Variants in RGS6 observed in about 807,000 individuals in gnomAD.
RGS6 encodes regulator of G-protein signaling 6.
RGS6 carries 30 observed loss-of-function variants against 78.5 expected under a neutral mutation model. The ratio of observed to expected loss-of-function variants is 0.38; its 90% CI spans 0.29 to 0.52. The LOEUF (loss-of-function observed/expected upper bound fraction) is 0.52, where lower values mean the gene tolerates loss of function less well. Among genes scored for constraint, RGS6 ranks in the 20% least tolerant of loss-of-function variants. The pLI is 0.85. For synonymous variants in RGS6, 206 were observed against 206.0 expected, an observed-to-expected ratio of 1.00 and a Z score of 0.00; for missense variants, 495 against 609.7, an observed-to-expected ratio of 0.81 and a Z score of 1.98.
intron 15 of RGS6, among the ~76,000 whole-genome samples, chr14:72,522,007 C>G (rs1319950876): frequency 6.6e-6 from 1 of 152,180 alleles, no homozygotes; most frequent in Non-Finnish European, 1.5e-5. Flanking sequence ...GAGATAACCC[C>G]TATTTTGGTG....
chr14:72,623,568 T>G, the RGS6 span, among the ~76,000 whole-genome samples: 3 of 152,190 alleles, frequency 2.0e-5, no homozygotes, highest in Admixed American at 6.5e-5. Context: ...TTTATGTGCA[T>G]CAAATGAGTA....
chr14:72,091,399 T>C (rs1567185552), intron 2 of RGS6, among the ~76,000 whole-genome samples: 1 of 152,134 alleles, frequency 6.6e-6, no homozygotes, highest in Admixed American at 6.5e-5. Flanking sequence ...CTTTGGAGCC[T>C]GGAGACAGGG....
intron 2 of RGS6, among the ~76,000 whole-genome samples, chr14:72,286,648 T>C (rs778063653): frequency 9.2e-5 from 14 of 152,114 alleles, no homozygotes; most frequent in Non-Finnish European, 2.1e-4. Context: ...AAACACAGGG[T>C]ATCTTTCCAT....
intron 3 of RGS6, among the ~76,000 whole-genome samples, chr14:72,367,277 G>A (rs905018785): frequency 3.9e-5 from 6 of 152,158 alleles, no homozygotes; most frequent in Non-Finnish European, 8.8e-5. Context: ...CATGGGTCTG[G>A]ACTCGGGATC....
the RGS6 span, among the ~76,000 whole-genome samples, chr14:72,600,095 T>A: frequency 6.6e-6 from 1 of 152,004 alleles, no homozygotes; most frequent in Non-Finnish European, 1.5e-5. Context: ...CCCCCCTCCC[T>A]TCTTCTCCTC....
At chr14:72,211,654 A>G (rs933196923) in intron 2 of RGS6, among the ~76,000 whole-genome samples, 1 of 152,218 alleles carries the variant, frequency 6.6e-6, no homozygotes, top group Non-Finnish European at 1.5e-5. Flanking sequence ...TTAAGTTCCC[A>G]AGATCCACAA....
chr14:71,968,140 T>G (rs1418778257), intron 2 of RGS6, among the ~76,000 whole-genome samples: 1 of 152,222 alleles, frequency 6.6e-6, no homozygotes, highest in Non-Finnish European at 1.5e-5. Context: ...TTTATATTCC[T>G]GTATCCTTAG....
intron 13 of RGS6, among the ~76,000 whole-genome samples, chr14:72,509,276 C>A (rs7493857): frequency 0.11 from 16,455 of 151,202 alleles, 916 homozygotes; most frequent in South Asian, 0.16. Context: ...GAGGCAGGAG[C>A]ATTGCTTGAA....
chr14:72,346,278 A>T (rs1387942771), intron 2 of RGS6, among the ~76,000 whole-genome samples: 1 of 152,196 alleles, frequency 6.6e-6, no homozygotes, highest in Non-Finnish European at 1.5e-5. Context: ...AAATTAGCTC[A>T]TTGGATCATG....
chr14:72,329,465 AG>A (rs1270717577), intron 2 of RGS6, among the ~76,000 whole-genome samples: 1 of 152,262 alleles, frequency 6.6e-6, no homozygotes, highest in African/African-American at 2.4e-5. Context: ...GCACAGAGGC[AG>A]GCGGCCTGGT....
At chr14:72,358,192 G>T (rs1439376820) in intron 3 of RGS6, among the ~76,000 whole-genome samples, 1 of 152,220 alleles carries the variant, frequency 6.6e-6, no homozygotes, top group Non-Finnish European at 1.5e-5. Context: ...CCAGGCAGAG[G>T]TGTGCTGCAG....
intron 17 of RGS6, among the ~76,000 whole-genome samples, chr14:72,561,257 T>A (rs144784596): frequency 1.3e-5 from 2 of 152,182 alleles, no homozygotes; most frequent in Non-Finnish European, 2.9e-5. Context: ...GAAATGAACA[T>A]GAGGAATCGC....
At chr14:72,451,822 G>A (rs1285822347) in intron 3 of RGS6, among the ~76,000 whole-genome samples, 4 of 151,964 alleles carry the variant, frequency 2.6e-5, no homozygotes, top group Non-Finnish European at 2.9e-5. Flanking sequence ...GCGCGATCTC[G>A]GCTCACTGCA....
intron 1 of RGS6, among the ~76,000 whole-genome samples, chr14:71,939,678 C>G (rs1275198327): frequency 6.6e-6 from 1 of 152,236 alleles, no homozygotes; most frequent in Non-Finnish European, 1.5e-5. Flanking sequence ...ACATCTGGTA[C>G]AGCAGCTGCA....
chr14:72,626,320 G>A, the RGS6 span, among the ~76,000 whole-genome samples: 1 of 152,134 alleles, frequency 6.6e-6, no homozygotes, highest in East Asian at 1.9e-4. Context: ...GACCCGTGTA[G>A]GTAACCAGTC....
chr14:72,189,753 AT>A (rs2097298651), intron 2 of RGS6, among the ~76,000 whole-genome samples: 1 of 151,738 alleles, frequency 6.6e-6, no homozygotes, highest in Admixed American at 6.6e-5. Flanking sequence ...CTCCCTTTGT[AT>A]TTTCTTTTTT....
chr14:72,007,543 C>T (rs550436592), intron 2 of RGS6, among the ~76,000 whole-genome samples: 2 of 152,320 alleles, frequency 1.3e-5, no homozygotes, highest in South Asian at 4.1e-4. Context: ...TAAACTTTCT[C>T]AAAACATTAT....
At chr14:72,098,055 C>T (rs1446129658) in intron 2 of RGS6, among the ~76,000 whole-genome samples, 8 of 152,102 alleles carry the variant, frequency 5.3e-5, no homozygotes, top group African/African-American at 1.9e-4. Context: ...CAAACTGGAC[C>T]ATATAAGCTT....
the RGS6 span, among the ~76,000 whole-genome samples, chr14:71,912,825 A>ATT: frequency 4.7e-5 from 7 of 149,062 alleles, no homozygotes; most frequent in African/African-American, 1.5e-4. Flanking sequence ...TCACTTTTTT[A>ATT]TTTTTTTTTT....
Sources: gnomAD v4.1 joint callset for allele counts (sites outside exome capture counted in the v4.1 genomes callset) on GRCh38, gnomAD v4.1.1 for gene constraint, MANE v1.5 for transcripts, NCBI Gene and HGNC (gene_info 2026-07-23, HGNC 2026-07-21) for gene names.